TENM2: variants seen among roughly 807,000 people sequenced by gnomAD.
The protein encoded by TENM2 is teneurin-2.
TENM2 carries 52 observed loss-of-function variants against 245.2 expected under a neutral mutation model. That is an observed-to-expected ratio of 0.21 (90% CI 0.17 to 0.27). TENM2 has a LOEUF of 0.27. TENM2 is among the 10% of genes least tolerant of loss of function. The probability of loss-of-function intolerance (pLI) is 1.00; values close to 1 mark genes in which losing one functional copy is unlikely to be tolerated. For missense variants in TENM2, 3,046 were observed against 3,666.8 expected (o/e 0.83, Z 4.37); for synonymous variants, 1,363 against 1,438.9 (o/e 0.95, Z 1.19).
chr5:168,076,379 C>T (rs1160952442), intron 7 of TENM2, among the ~76,000 whole-genome samples: 1 of 151,980 alleles, frequency 6.6e-6, no homozygotes, highest in Non-Finnish European at 1.5e-5. Context: ...GTGCACCCCA[C>T]CACACCCGAC....
intron 8 of TENM2, among the ~76,000 whole-genome samples, chr5:168,091,308 T>G (rs1192919680): frequency 6.6e-6 from 1 of 152,224 alleles, no homozygotes; most frequent in Non-Finnish European, 1.5e-5. Context: ...GTTTTTATTC[T>G]TGAGTAGGTA....
At chr5:167,132,415 C>T in the TENM2 span, among the ~76,000 whole-genome samples, 1 of 152,188 alleles carries the variant, frequency 6.6e-6, no homozygotes, top group African/African-American at 2.4e-5. Flanking sequence ...TGAGAAACTT[C>T]TGAGGGAGAG....
intron 2 of TENM2, among the ~76,000 whole-genome samples, chr5:167,477,316 C>T (rs573821540): frequency 2.0e-5 from 3 of 149,898 alleles, no homozygotes; most frequent in Non-Finnish European, 3.0e-5. Flanking sequence ...TCTGCTATGC[C>T]TTTGACTCGT....
chr5:168,036,759 G>GTA lies in TENM2; in HGVS notation c.1187-10659_1187-10658dup, dbSNP rs575870901. ...CGTATGTGTATATATATATGTATGT[G>GTA]TATATATATACGTATGTGTATATAT... On this transcript the variant is annotated intron_variant, in intron 5 of 28. Coordinates refer to ENST00000518659, the Ensembl canonical transcript of TENM2. 3.1e-3 allele frequency among the ~76,000 whole-genome samples: 461 copies of GTA among 146,802 alleles called. 11 individuals carry two copies. The highest frequency in any genetic ancestry group is 0.03 in the Admixed American group (442 of 14,528).
the TENM2 span, among the ~76,000 whole-genome samples, chr5:167,151,379 T>C: frequency 2.0e-5 from 3 of 152,200 alleles, no homozygotes; most frequent in African/African-American, 7.2e-5. Flanking sequence ...CATTTCACTT[T>C]TCTGACTTCT....
At chr5:167,193,752 G>T in the TENM2 span, among the ~76,000 whole-genome samples, 1 of 152,028 alleles carries the variant, frequency 6.6e-6, no homozygotes, top group Non-Finnish European at 1.5e-5. Context: ...CAGTGACAAT[G>T]AAGATGGTAA....
At chr5:167,847,180 TG>T (rs1770123210) in intron 2 of TENM2, among the ~76,000 whole-genome samples, 2 of 152,204 alleles carry the variant, frequency 1.3e-5, no homozygotes, top group African/African-American at 2.4e-5. Context: ...CTTGAACTCC[TG>T]GGCTTAAGCG....
At chr5:167,895,296 G>A (rs1775131393) in intron 3 of TENM2, among the ~76,000 whole-genome samples, 1 of 151,612 alleles carries the variant, frequency 6.6e-6, no homozygotes, top group African/African-American at 2.4e-5. Flanking sequence ...AATCTTTGAT[G>A]GCATACATTT....
chr5:167,264,249 A>G, the TENM2 span, among the ~76,000 whole-genome samples: 12 of 152,150 alleles, frequency 7.9e-5, no homozygotes, highest in Non-Finnish European at 1.2e-4. Flanking sequence ...TTTATTTTGC[A>G]AAAGGAATCA....
Position 167,406,341 on chromosome 5 carries a change from C to T in TENM2, c.502+30868C>T, listed in dbSNP as rs115740462. The stretch of plus-strand genomic sequence containing the variant: ...CCTGTGGAAATTGTATTATTCTCCA[C>T]ATGCATATTCATAGAATTAAGTATT... On this transcript the variant is annotated intron_variant, in intron 2 of 28. Transcript: ENST00000518659. 3.2e-3 allele frequency among the ~76,000 whole-genome samples: 486 copies of T among 152,230 alleles called. 7 individuals carry two copies. The highest frequency in any genetic ancestry group is 0.011 in the African/African-American group (470 of 41,532).
chr5:168,131,100 T>A (rs1009944631), intron 12 of TENM2, among the ~76,000 whole-genome samples: 8 of 152,156 alleles, frequency 5.3e-5, no homozygotes, highest in African/African-American at 1.9e-4. Context: ...GAAGCCAACA[T>A]TTGCATTGCC....
At chr5:167,582,137 C>T (rs1775138816) in intron 2 of TENM2, among the ~76,000 whole-genome samples, 1 of 152,034 alleles carries the variant, frequency 6.6e-6, no homozygotes, top group African/African-American at 2.4e-5. Context: ...TCTCTGTTAC[C>T]ACTTACTGTT....
intron 4 of TENM2, among the ~76,000 whole-genome samples, chr5:167,969,346 T>C (rs183400650): frequency 6.6e-6 from 1 of 152,274 alleles, no homozygotes; most frequent in Non-Finnish European, 1.5e-5. Flanking sequence ...ACACAAGCAC[T>C]CTCTTTGCCT....
At chr5:167,846,486 A>G (rs1403135050) in intron 2 of TENM2, among the ~76,000 whole-genome samples, 3 of 152,244 alleles carry the variant, frequency 2.0e-5, no homozygotes, top group African/African-American at 7.2e-5. Context: ...GCGGATTGCT[A>G]GAAAATGTTT....
intron 2 of TENM2, among the ~76,000 whole-genome samples, chr5:167,569,630 A>G (rs1031149579): frequency 2.0e-5 from 3 of 152,182 alleles, no homozygotes; most frequent in Non-Finnish European, 4.4e-5. Context: ...AGCAACAGCC[A>G]TTTGGTGAGT....
At chr5:168,022,139 T>A (rs2151911937) in intron 5 of TENM2, among the ~76,000 whole-genome samples, 1 of 152,360 alleles carries the variant, frequency 6.6e-6, no homozygotes, top group African/African-American at 2.4e-5. Flanking sequence ...CATTTACTCA[T>A]CCATTCATTC....
At chr5:167,258,307 C>T in the TENM2 span, among the ~76,000 whole-genome samples, 2 of 150,528 alleles carry the variant, frequency 1.3e-5, no homozygotes, top group Admixed American at 6.7e-5. Context: ...AGTAAAAGAA[C>T]ACTCAACTAA....
chr5:168,177,311 T>G (rs1377198490), intron 13 of TENM2, among the ~76,000 whole-genome samples: 32 of 152,256 alleles, frequency 2.1e-4, no homozygotes, highest in Admixed American at 2.1e-3. Context: ...CAAGTCCTTC[T>G]GCATACAGTT....
chr5:167,493,832 T>C (rs1231299201), intron 2 of TENM2, among the ~76,000 whole-genome samples: 1 of 152,124 alleles, frequency 6.6e-6, no homozygotes. Context: ...TGACGTGATG[T>C]TGTGTTGGAA....
Sources: allele counts gnomAD v4.1 joint callset (sites outside exome capture counted in the v4.1 genomes callset), GRCh38; gene constraint gnomAD v4.1.1; transcripts MANE v1.5; gene names NCBI Gene and HGNC (gene_info 2026-07-23, HGNC 2026-07-21).